BRDT: variants seen among roughly 807,000 people sequenced by gnomAD.
BRDT encodes bromodomain testis-specific protein.
BRDT carries 77 observed loss-of-function variants against 113.9 expected under a neutral mutation model. That is an observed-to-expected ratio of 0.68 (90% confidence interval 0.56 to 0.82). The LOEUF is 0.82. BRDT is among the 40% of genes least tolerant of loss of function. The probability of loss-of-function intolerance (pLI) is 0.00; values close to 1 mark genes in which losing one functional copy is unlikely to be tolerated. For missense variants in BRDT, 1,027 were observed against 1,105.4 expected, an observed-to-expected ratio of 0.93 and a Z score of 1.01; for synonymous variants, 358 against 366.5, an observed-to-expected ratio of 0.98 and a Z score of 0.26.
intron 6 of BRDT, 157 bp downstream of exon 6, chr1:91,977,550 C>T: frequency 1.6e-6 from 1 of 634,502 alleles, no homozygotes; most frequent in Non-Finnish European, 2.5e-6. Flanking sequence ...TAAAATATAT[C>T]TTTTTGTTTT....
chr1:91,959,299 CA>C (rs1223577779), intron 1 of BRDT, among the ~76,000 whole-genome samples: 6 of 152,172 alleles, frequency 3.9e-5, no homozygotes, highest in Non-Finnish European at 5.9e-5. Flanking sequence ...GTTACAGTGA[CA>C]GGGGCACCTA....
intron 6 of BRDT, 48 bp downstream of exon 6, chr1:91,977,441 G>A: frequency 2.9e-6 from 4 of 1,357,138 alleles, no homozygotes; most frequent in Non-Finnish European, 4.0e-6. Flanking sequence ...GATTATAAAA[G>A]TAATTCATCA....
intron 18 of BRDT, among the ~76,000 whole-genome samples, chr1:92,007,616 T>C (rs74703368): frequency 0.011 from 1,645 of 152,338 alleles, 25 homozygotes; most frequent in African/African-American, 0.038. Context: ...ATCTCCTTCA[T>C]TGACATAGTC....
intron 4 of BRDT, among the ~76,000 whole-genome samples, chr1:91,974,374 G>A (rs1269151167): frequency 6.6e-6 from 1 of 152,094 alleles, no homozygotes; most frequent in Admixed American, 6.6e-5. Context: ...GAAAATTTTT[G>A]CAATCTACTC....
chr1:91,974,061 G>T (rs371881125), intron 4 of BRDT, among the ~76,000 whole-genome samples: 2 of 152,124 alleles, frequency 1.3e-5, no homozygotes, highest in African/African-American at 2.4e-5. Context: ...AATAAATGGT[G>T]CTGGGAAAAC....
chr1:92,009,458 T>C (rs929569642), intron 18 of BRDT, among the ~76,000 whole-genome samples: 5 of 152,014 alleles, frequency 3.3e-5, no homozygotes, highest in African/African-American at 1.2e-4. Flanking sequence ...TACTTACCTA[T>C]TGAAGGACAT....
rs1464792930 is a variant in BRDT at position 91,977,080 on chromosome 1, C to G, written c.656C>G (p.Thr219Ser). 2 of 1,611,502 alleles carry G rather than the reference C, an allele frequency of 1.2e-6. No individual in the cohort carries two copies. Among genetic ancestry groups the G allele is most frequent in the Non-Finnish European group, 1.7e-6 (2 of 1,178,956 alleles). ...GTGAAGAGGAAAGCAGATACAACAA[C>G]TCCTGCAACTTCAGCAGTTAAAGCA... ...KGVKRKADTT[T>S]PATSAVKASS... Residue 219 changes from threonine (T) to serine (S), a missense_variant, in exon 6 of 19, where the codon ACT becomes AGT. Thr to Ser is a moderately conservative substitution (Grantham distance 58). Transcript: ENST00000399546.
At position 91,962,060 on chromosome 1, in the gene BRDT, G is replaced by A. The variant is rs184041703; in HGVS notation, c.-37-658G>A. 2.7e-3 allele frequency among the ~76,000 whole-genome samples: 403 copies of A among 147,034 alleles called. 5 individuals carry two copies. The highest frequency in any genetic ancestry group is 6.3e-3 in the Admixed American group (92 of 14,570). On this transcript the variant is annotated intron_variant, in intron 1 of 18. Coordinates refer to ENST00000399546, the MANE Select transcript of BRDT (RefSeq NM_207189.4). ...CTCGGGAGGCGGAGGCAGGAGAATG[G>A]CGTGAACCCGGGAGGCGGAGCTTGC... is the stretch of plus-strand genomic sequence containing the variant.
chr1:91,978,414 G>T, intron 7 of BRDT, 118 bp downstream of exon 7: 1 of 1,142,734 alleles, frequency 8.8e-7, no homozygotes, highest in Non-Finnish European at 1.2e-6. Context: ...GTATTAAATG[G>T]CAAAAACCAC....
Position 91,960,385 on chromosome 1 carries a change from A to G in BRDT, c.-37-2333A>G, listed in dbSNP as rs1682307756. Among the ~76,000 whole-genome samples the G allele has an allele frequency of 5.3e-5, 8 of 152,344 alleles. No individual in the cohort carries two copies. In the South Asian group the frequency reaches 1.4e-3, roughly 28 times the overall value. The stretch of plus-strand genomic sequence containing the variant: ...TTAAAAGGAAGGGAAATTCTAACAC[A>G]CGCTACAACATGGATGAATCTTGAG... On this transcript the variant is annotated intron_variant, in intron 1 of 18. Transcript: ENST00000399546.
At chr1:92,012,280 A>G (rs946955270) in intron 18 of BRDT, among the ~76,000 whole-genome samples, 1 of 150,722 alleles carries the variant, frequency 6.6e-6, no homozygotes, top group African/African-American at 2.4e-5. Flanking sequence ...CTGGGCAACA[A>G]GAGCAAAACT....
intron 9 of BRDT, 31 bp downstream of exon 9, chr1:91,980,846 A>G (rs756607823): frequency 6.3e-7 from 1 of 1,591,020 alleles, no homozygotes; most frequent in South Asian, 1.2e-5. Flanking sequence ...TAGCTTATTA[A>G]GACAATAACG....
chr1:91,986,379 A>G (rs1390599838), intron 12 of BRDT, among the ~76,000 whole-genome samples: 1 of 152,218 alleles, frequency 6.6e-6, no homozygotes, highest in Non-Finnish European at 1.5e-5. Flanking sequence ...AAAACCTTAT[A>G]GGAAATAACT....
intron 18 of BRDT, among the ~76,000 whole-genome samples, chr1:92,011,112 A>C (rs1169118178): frequency 1.3e-5 from 2 of 152,236 alleles, no homozygotes; most frequent in African/African-American, 2.4e-5. Context: ...TATTGGTTAA[A>C]GTACAAATTA....
At chr1:92,012,116 A>G (rs1299677277) in intron 18 of BRDT, among the ~76,000 whole-genome samples, 2 of 152,106 alleles carry the variant, frequency 1.3e-5, no homozygotes, top group Non-Finnish European at 2.9e-5. Context: ...CGAGACCAAC[A>G]TGGTGAAACC....
At chr1:91,983,196 A>G (rs939804697) in intron 12 of BRDT, among the ~76,000 whole-genome samples, 2 of 152,124 alleles carry the variant, frequency 1.3e-5, no homozygotes, top group African/African-American at 4.8e-5. Context: ...TGTTCTTAAA[A>G]TAGTGCAATA....
At chr1:91,968,342 G>C in intron 4 of BRDT, 82 bp downstream of exon 4, 1 of 1,513,402 alleles carries the variant, frequency 6.6e-7, no homozygotes, top group Non-Finnish European at 8.9e-7. Context: ...ATCCCTCAAA[G>C]GAGACAGACA....
intron 12 of BRDT, among the ~76,000 whole-genome samples, chr1:91,989,598 T>C (rs1371660434): frequency 2.0e-5 from 3 of 152,164 alleles, no homozygotes; most frequent in Non-Finnish European, 4.4e-5. Flanking sequence ...TGACCTCAAG[T>C]GATCTAACCA....
intron 18 of BRDT, among the ~76,000 whole-genome samples, chr1:92,010,883 T>G (rs1557872153): frequency 1.3e-5 from 2 of 152,196 alleles, no homozygotes; most frequent in Admixed American, 1.3e-4. Flanking sequence ...AGTCTCTTCT[T>G]TGTGAATAGT....
Sources: allele counts gnomAD v4.1 joint callset (sites outside exome capture counted in the v4.1 genomes callset), GRCh38; gene constraint gnomAD v4.1.1; transcripts MANE v1.5; gene names NCBI Gene and HGNC (gene_info 2026-07-23, HGNC 2026-07-21).